IQGAP2: variants seen among roughly 807,000 people sequenced by gnomAD.
The protein encoded by IQGAP2 is IQ motif containing GTPase activating protein 2.
In IQGAP2, 173 loss-of-function variants were observed where a neutral mutation model predicts 201.3. That is an observed-to-expected ratio of 0.86 (90% CI 0.76 to 0.98). The LOEUF is 0.98. Ranked by LOEUF, IQGAP2 falls within the 50% of genes least tolerant of loss-of-function variation. The probability of loss-of-function intolerance (pLI) is 0.00; values close to 1 mark genes in which losing one functional copy is unlikely to be tolerated. For synonymous variants in IQGAP2, 675 were observed against 673.9 expected (o/e 1.00, Z -0.03); for missense variants, 1,687 against 1,864.8 (o/e 0.90, Z 1.76).
At chr5:76,620,298 C>CTAGAA (rs1749511138) in intron 13 of IQGAP2, among the ~76,000 whole-genome samples, 1 of 152,118 alleles carries the variant, frequency 6.6e-6, no homozygotes, top group Non-Finnish European at 1.5e-5. Flanking sequence ...AGTTACTGAG[C>CTAGAA]TAGAACAGTG....
chr5:76,404,933 G>A (rs1750716142), intron 1 of IQGAP2, among the ~76,000 whole-genome samples: 1 of 150,016 alleles, frequency 6.7e-6, no homozygotes, highest in Non-Finnish European at 1.5e-5. Flanking sequence ...ATACAGCAGA[G>A]CCCGTTGGGT....
chr5:76,488,534 A>C (rs909661556), intron 2 of IQGAP2, among the ~76,000 whole-genome samples: 1 of 152,206 alleles, frequency 6.6e-6, no homozygotes, highest in Non-Finnish European at 1.5e-5. Flanking sequence ...AACTTTCTAG[A>C]ATAAAATTCT....
intron 13 of IQGAP2, among the ~76,000 whole-genome samples, chr5:76,620,495 G>A (rs1278378672): frequency 6.6e-6 from 1 of 152,168 alleles, no homozygotes; most frequent in Admixed American, 6.5e-5. Flanking sequence ...GACAGGATCG[G>A]GGAGAAGCTA....
At chr5:76,555,717 G>A (rs1743895706) in intron 2 of IQGAP2, among the ~76,000 whole-genome samples, 1 of 152,130 alleles carries the variant, frequency 6.6e-6, no homozygotes, top group Admixed American at 6.5e-5. Context: ...TAACCAACAA[G>A]AATGACCTTG....
At chr5:76,593,294 T>G (rs1746786178) in intron 9 of IQGAP2, among the ~76,000 whole-genome samples, 1 of 152,212 alleles carries the variant, frequency 6.6e-6, no homozygotes, top group Non-Finnish European at 1.5e-5. Context: ...CTATTGGAAT[T>G]GTAAAAGGTA....
At chr5:76,419,385 G>A (rs958906549) in intron 1 of IQGAP2, among the ~76,000 whole-genome samples, 5 of 151,918 alleles carry the variant, frequency 3.3e-5, no homozygotes, top group African/African-American at 1.2e-4. Flanking sequence ...TGCCCAGGCT[G>A]GAGTACAGTG....
intron 2 of IQGAP2, among the ~76,000 whole-genome samples, chr5:76,490,325 G>C (rs6884352): frequency 0.54 from 81,477 of 151,954 alleles, 23,101 homozygotes; most frequent in African/African-American, 0.73. Context: ...GTGTGGGATT[G>C]CTGGTACTTT....
At chr5:76,583,455 G>A (rs1746015868) in intron 5 of IQGAP2, among the ~76,000 whole-genome samples, 1 of 151,584 alleles carries the variant, frequency 6.6e-6, no homozygotes, top group South Asian at 2.1e-4. Flanking sequence ...TAAAAAAAAA[G>A]AAAAAAAGTT....
Position 76,618,252 on chromosome 5 carries a change from T to C in IQGAP2, c.1521+7069T>C, listed in dbSNP as rs945617473. On this transcript the variant is annotated intron_variant, in intron 13 of 35. Coordinates refer to ENST00000274364, the MANE Select transcript of IQGAP2 (RefSeq NM_006633.5). ...TACCCAGTTGTTCCCATTGAGATGA[T>C]AAGCTATCTTAAAGGGCAATGTAAC... 4 of 1,614,058 alleles carry C rather than the reference T, an allele frequency of 2.5e-6. No individual in the cohort carries two copies. In the African/African-American group the frequency reaches 4.0e-5, roughly 16 times the overall value.
Position 76,533,742 on chromosome 5 carries a change from G to C in IQGAP2, c.147-28654G>C, listed in dbSNP as rs182100614. On this transcript the variant is annotated intron_variant, in intron 2 of 35. Coordinates refer to ENST00000274364, the MANE Select transcript of IQGAP2 (RefSeq NM_006633.5). ...TTTAGTAGAGACGGGGTTTCACCGTGTTAGCCAGGATGGTCTCAATCTCCT... is the reference window on the plus strand; with the variant it reads ...TTTAGTAGAGACGGGGTTTCACCGTCTTAGCCAGGATGGTCTCAATCTCCT... Among the ~76,000 whole-genome samples, 453 of 152,202 alleles carry C rather than the reference G, an allele frequency of 3.0e-3. 5 individuals are homozygous for C. Among genetic ancestry groups the C allele is most frequent in the African/African-American group, 0.01 (429 of 41,522 alleles).
intron 1 of IQGAP2, among the ~76,000 whole-genome samples, chr5:76,448,177 C>CCAACAAA (rs1753520805): frequency 6.6e-6 from 1 of 152,110 alleles, no homozygotes; most frequent in Non-Finnish European, 1.5e-5. Flanking sequence ...TGTCTCAAGC[C>CCAACAAA]TCTGTTTCCA....
chr5:76,703,492 T>C (rs1399294267), intron 35 of IQGAP2, among the ~76,000 whole-genome samples: 1 of 152,024 alleles, frequency 6.6e-6, no homozygotes, highest in Non-Finnish European at 1.5e-5. Context: ...TTAACTCTAT[T>C]TGTCAAATGC....
At position 76,522,252 on chromosome 5, in the gene IQGAP2, G is replaced by A. The variant is rs141111965; in HGVS notation, c.147-40144G>A. ...GTCTGGAGTACAGTGGCGCAATCTC[G>A]GCTCACTGCAACCTCTGCCTCCCAA... On this transcript the variant is annotated intron_variant, in intron 2 of 35. Coordinates refer to ENST00000274364, the MANE Select transcript of IQGAP2 (RefSeq NM_006633.5). Among the ~76,000 whole-genome samples the A allele has an allele frequency of 2.6e-3, 396 of 150,544 alleles. 3 individuals carry two copies. Among genetic ancestry groups the A allele is most frequent in the African/African-American group, 9.1e-3 (372 of 40,854 alleles).
chr5:76,598,988 CA>C (rs1372423830), intron 10 of IQGAP2, among the ~76,000 whole-genome samples: 1 of 152,096 alleles, frequency 6.6e-6, no homozygotes, highest in Non-Finnish European at 1.5e-5. Flanking sequence ...GTTATAAAGA[CA>C]AAACCTCTGC....
chr5:76,505,023 C>T (rs1008483843), intron 2 of IQGAP2, among the ~76,000 whole-genome samples: 1 of 152,110 alleles, frequency 6.6e-6, no homozygotes, highest in Non-Finnish European at 1.5e-5. Flanking sequence ...ATTTCATGTT[C>T]AAAGGTCATG....
intron 2 of IQGAP2, among the ~76,000 whole-genome samples, chr5:76,505,768 T>A (rs748944831): frequency 5.3e-5 from 8 of 152,196 alleles, no homozygotes; most frequent in Non-Finnish European, 7.3e-5. Context: ...CTTTTGGTTC[T>A]TGTCTCTTTA....
chr5:76,432,121 C>CTTT (rs1580176665), intron 1 of IQGAP2, among the ~76,000 whole-genome samples: 1 of 41,578 alleles, frequency 2.4e-5, no homozygotes, highest in Non-Finnish European at 5.8e-5. Context: ...ACTGATCTTT[C>CTTT]TTTCTTCTTT....
At chr5:76,636,498 CT>C (rs2150394007) in intron 15 of IQGAP2, among the ~76,000 whole-genome samples, 1 of 152,316 alleles carries the variant, frequency 6.6e-6, no homozygotes, top group East Asian at 1.9e-4. Flanking sequence ...TTTTTCCCCA[CT>C]TTAGTTGACC....
Position 76,597,427 on chromosome 5 carries a change from C to T in IQGAP2, c.908-12C>T, listed in dbSNP as rs1378994806. ...GCAACCATTCTGACAAAACATGAAC[C>T]CCCATCCTCAGGGCAGGCTGCAGTG... On this transcript the variant is annotated splice_polypyrimidine_tract_variant and intron_variant, in intron 9 of 35. Coordinates refer to ENST00000274364, the MANE Select transcript of IQGAP2 (RefSeq NM_006633.5). The T allele has an allele frequency of 4.3e-6, 7 of 1,612,842 alleles. No homozygotes were observed. In the East Asian group the frequency reaches 1.3e-4, roughly 31 times the overall value.
Sources: allele counts gnomAD v4.1 joint callset (sites outside exome capture counted in the v4.1 genomes callset), GRCh38; gene constraint gnomAD v4.1.1; transcripts MANE v1.5; gene names NCBI Gene and HGNC (gene_info 2026-07-23, HGNC 2026-07-21).